The following UBR3 variants were observed in gnomAD, a reference collection of about 807,000 sequenced individuals.
The protein encoded by UBR3 is E3 ubiquitin-protein ligase UBR3.
UBR3 carries 85 observed loss-of-function variants against 243.2 expected under a neutral mutation model. The ratio of observed to expected loss-of-function variants is 0.35; its 90% CI spans 0.29 to 0.42. The LOEUF is 0.42. UBR3 is among the 10% of genes least tolerant of loss of function. The probability of loss-of-function intolerance (pLI) is 1.00; values close to 1 mark genes in which losing one functional copy is unlikely to be tolerated. For synonymous variants in UBR3, 748 were observed against 799.8 expected, an observed-to-expected ratio of 0.94 and a Z score of 1.09; for missense variants, 1,686 against 2,300.8, an observed-to-expected ratio of 0.73 and a Z score of 5.47.
chr2:169,990,123 G>A (rs2089207180), intron 25 of UBR3, among the ~76,000 whole-genome samples: 2 of 152,120 alleles, frequency 1.3e-5, no homozygotes, highest in Admixed American at 1.3e-4. Flanking sequence ...TTATTGCCAT[G>A]TTCTTCAAAC....
At chr2:169,980,888 G>A (rs1268202334) in intron 24 of UBR3, among the ~76,000 whole-genome samples, 1 of 150,994 alleles carries the variant, frequency 6.6e-6, no homozygotes, top group Non-Finnish European at 1.5e-5. Context: ...CATGCAGGGT[G>A]GATCTGGTGT....
At chr2:170,052,141 A>G (rs1365337353) in intron 32 of UBR3, among the ~76,000 whole-genome samples, 2 of 152,138 alleles carry the variant, frequency 1.3e-5, no homozygotes, top group Non-Finnish European at 2.9e-5. Flanking sequence ...CAATGCTGCT[A>G]CGTCTATGAG....
At chr2:169,897,437 A>G (rs2084633614) in intron 8 of UBR3, among the ~76,000 whole-genome samples, 1 of 152,004 alleles carries the variant, frequency 6.6e-6, no homozygotes, top group Admixed American at 6.6e-5. Context: ...AATTCTATAT[A>G]TATGTATATG....
At chr2:169,838,398 TGTGTGTGTGTGTG>T (rs2082182558) in intron 1 of UBR3, among the ~76,000 whole-genome samples, 1 of 29,208 alleles carries the variant, frequency 3.4e-5, no homozygotes, top group African/African-American at 1.3e-4. Context: ...TGTGTGTGTG[TGTGTGTGTGTGTG>T]TGTGTGTGTG....
chr2:169,851,918 T>C (rs985591171), intron 1 of UBR3, among the ~76,000 whole-genome samples: 3 of 152,000 alleles, frequency 2.0e-5, no homozygotes, highest in Admixed American at 1.3e-4. Context: ...CGAATAAATA[T>C]TGGTTTGAAA....
rs529541040 is a variant in UBR3, at chr2:169,891,570, G to A, written c.1105+339G>A. Among the ~76,000 whole-genome samples the A allele has an allele frequency of 2.7e-5, 4 of 150,400 alleles. No individual in the cohort carries two copies. The South Asian group carries it at 8.4e-4, about 32-fold the overall frequency. ...TAATCTGGGGTATGCAATTTCTAGAGTGAAAAAAGACAAGGGAGATGACAT... is the reference window on the plus strand; with the variant it reads ...TAATCTGGGGTATGCAATTTCTAGAATGAAAAAAGACAAGGGAGATGACAT... On this transcript the variant is annotated intron_variant, in intron 6 of 38. Coordinates refer to ENST00000272793, the MANE Select transcript of UBR3 (RefSeq NM_172070.4).
chr2:169,932,800 A>C (rs2086186488), intron 18 of UBR3, 112 bp from the exon 19 acceptor site: 3 of 912,718 alleles, frequency 3.3e-6, no homozygotes, highest in Non-Finnish European at 4.9e-6. Flanking sequence ...CTATAATCAG[A>C]TTAAATTGTT....
chr2:169,926,990 AATACTT>A lies in UBR3; in HGVS notation c.2338+22_2338+27del. The A allele has an allele frequency of 3.2e-6, 5 of 1,543,690 alleles. No homozygotes were observed. Among genetic ancestry groups the A allele is most frequent in the Non-Finnish European group, 4.4e-6 (5 of 1,141,326 alleles). ...CATTTAGGTAAAACTCACTGATACT[AATACTT>A]ATGCATTAACTGTTTTCCTCCCTTT... On this transcript the variant is annotated intron_variant, in intron 16 of 38. Transcript: ENST00000272793.
chr2:169,865,535 G>C (rs2083229140), intron 1 of UBR3, among the ~76,000 whole-genome samples: 1 of 151,962 alleles, frequency 6.6e-6, no homozygotes, highest in Non-Finnish European at 1.5e-5. Context: ...TGTTCCTTTG[G>C]CTTAGCTACT....
rs982188224 is a variant in UBR3, at chr2:170,079,855, A to G, written c.5241A>G (p.Leu1747=). 1.2e-6 allele frequency: 2 copies of G among 1,614,026 alleles called. No individual in the cohort carries two copies. The highest frequency in any genetic ancestry group is 1.3e-5 in the African/African-American group (1 of 75,064). ...AGTCAAAATGGAAATTACCACACCT[A>G]CTACAGTTGCCTGAGAATTATAACA... ...IQESKWKLPH[L]LQLPENYNTI... Residue 1747 remains leucine (L), a synonymous_variant, in exon 37 of 39, where the codon CTA becomes CTG. Transcript: ENST00000272793.
At chr2:169,851,761 C>G (rs1435925095) in intron 1 of UBR3, among the ~76,000 whole-genome samples, 2 of 149,344 alleles carry the variant, frequency 1.3e-5, no homozygotes, top group Non-Finnish European at 3.0e-5. Context: ...TCACTTGAAC[C>G]AGGGAGGCTG....
chr2:170,037,764 T>G (rs1346947724), intron 31 of UBR3, among the ~76,000 whole-genome samples: 2 of 152,222 alleles, frequency 1.3e-5, no homozygotes, highest in African/African-American at 4.8e-5. Flanking sequence ...TAATATGCAG[T>G]TTCCTCAACT....
chr2:169,987,362 CAGCCTGGGTGACAG>C (rs2089059397), intron 25 of UBR3, among the ~76,000 whole-genome samples: 2 of 136,754 alleles, frequency 1.5e-5, no homozygotes, highest in South Asian at 4.6e-4. Context: ...CACTGCACTC[CAGCCTGGGTGACAG>C]AGCAAGACTC....
chr2:169,884,024 G>T (rs1017671704), intron 5 of UBR3, among the ~76,000 whole-genome samples: 3 of 151,928 alleles, frequency 2.0e-5, no homozygotes, highest in African/African-American at 7.3e-5. Context: ...GTAGAGATGG[G>T]GTTTTGCCAT....
chr2:169,890,411 C>T (rs184275121), intron 5 of UBR3, among the ~76,000 whole-genome samples: 255 of 151,530 alleles, frequency 1.7e-3, no homozygotes, highest in Non-Finnish European at 3.1e-3. Flanking sequence ...TCCCAGGTAC[C>T]AATTACTGCT....
At chr2:169,989,842 G>A (rs773832042) in intron 25 of UBR3, among the ~76,000 whole-genome samples, 9 of 152,050 alleles carry the variant, frequency 5.9e-5, no homozygotes, top group Admixed American at 6.5e-5. Context: ...GTTGATGCTC[G>A]TGTTCTTCCA....
At chr2:169,994,953 T>TG (rs1472265663) in intron 26 of UBR3, among the ~76,000 whole-genome samples, 1 of 152,124 alleles carries the variant, frequency 6.6e-6, no homozygotes, top group East Asian at 1.9e-4. Context: ...GAGTGTGTCC[T>TG]GCCATGGGAT....
chr2:169,830,641 CTA>C (rs1360365217), intron 1 of UBR3, among the ~76,000 whole-genome samples: 2 of 132,712 alleles, frequency 1.5e-5, no homozygotes, highest in Non-Finnish European at 3.4e-5. Flanking sequence ...CTTTTCAATT[CTA>C]TGTTTTATCT....
At chr2:169,931,352 A>T (rs1458648361) in intron 18 of UBR3, among the ~76,000 whole-genome samples, 4 of 26,422 alleles carry the variant, frequency 1.5e-4, no homozygotes, top group South Asian at 7.9e-4. Flanking sequence ...ATCTGTCTTA[A>T]AAAAAAAAAA....
Sources: allele counts gnomAD v4.1 joint callset (sites outside exome capture counted in the v4.1 genomes callset), GRCh38; gene constraint gnomAD v4.1.1; transcripts MANE v1.5; gene names NCBI Gene and HGNC (gene_info 2026-07-23, HGNC 2026-07-21).